The following BPTF variants were observed in gnomAD, a reference collection of about 807,000 sequenced individuals.
BPTF encodes the protein bromodomain PHD finger transcription factor.
BPTF carries 18 observed loss-of-function variants against 292.5 expected under a neutral mutation model. That is an observed-to-expected ratio of 0.06 (90% CI 0.04 to 0.09). BPTF has a LOEUF of 0.09. BPTF is among the 10% of genes least tolerant of loss of function. The probability of loss-of-function intolerance (pLI) is 1.00; values close to 1 mark genes in which losing one functional copy is unlikely to be tolerated. For synonymous variants in BPTF, 1,225 were observed against 1,251.9 expected (o/e 0.98, Z 0.45); for missense variants, 2,726 against 3,498.7 (o/e 0.78, Z 5.57).
intron 12 of BPTF, among the ~76,000 whole-genome samples, chr17:67,919,409 C>CTTGTGT (rs1027142183): frequency 9.2e-5 from 14 of 151,752 alleles, no homozygotes; most frequent in African/African-American, 3.4e-4. Flanking sequence ...TCAACTAGGC[C>CTTGTGT]TTGTGTTTGT....
At chr17:67,981,677 A>G (rs1456088833) in intron 27 of BPTF, 4 of 992,632 alleles carry the variant, frequency 4.0e-6, no homozygotes, top group Middle Eastern at 4.4e-4. Flanking sequence ...TGCTATTTCA[A>G]TATAAAGTCC....
intron 1 of BPTF, among the ~76,000 whole-genome samples, chr17:67,849,314 A>G (rs1043307921): frequency 3.3e-5 from 5 of 152,204 alleles, no homozygotes; most frequent in Non-Finnish European, 7.3e-5. Flanking sequence ...AACTTCAGTG[A>G]CCATATAAAT....
In BPTF at chr17:67,946,037, G is replaced by A; in HGVS notation, c.7329G>A (p.Gln2443=). 1 of 1,614,170 alleles carries A rather than the reference G, an allele frequency of 6.2e-7. No individual in the cohort carries two copies. The highest frequency in any genetic ancestry group is 8.5e-7 in the Non-Finnish European group (1 of 1,180,034). ...IAVPQLQQQV[Q]VLSQIQSQVV... ...TGCCTCAGCTGCAACAACAAGTCCA[G>A]GTTCTCTCTCAGATCCAGTCACAGG... The change falls in exon 21 of 28, where the codon CAG becomes CAA. Residue 2443 remains glutamine, a synonymous_variant. Transcript: ENST00000306378.
chr17:67,865,798 TAGG>T (rs1176208889), intron 2 of BPTF, among the ~76,000 whole-genome samples: 3 of 152,178 alleles, frequency 2.0e-5, no homozygotes, highest in African/African-American at 4.8e-5. Flanking sequence ...AATGGAACCT[TAGG>T]AGAGTTTTAG....
chr17:67,859,523 T>G (rs2058947638), intron 2 of BPTF, among the ~76,000 whole-genome samples: 1 of 152,236 alleles, frequency 6.6e-6, no homozygotes, highest in African/African-American at 2.4e-5. Context: ...TGCCCTTGAT[T>G]TGCCCAAGAC....
intron 23 of BPTF, among the ~76,000 whole-genome samples, chr17:67,952,266 T>C (rs2066446669): frequency 2.1e-4 from 1 of 4,666 alleles, no homozygotes; most frequent in South Asian, 0.1. Context: ...TTTAATAGGC[T>C]TTTTTTTTTT....
chr17:67,864,336 G>C lies in BPTF; in HGVS notation c.1437-2128G>C, dbSNP rs532789652. 8.5e-5 allele frequency among the ~76,000 whole-genome samples: 13 copies of C among 152,116 alleles called. No individual in the cohort carries two copies. The South Asian group carries it at 2.7e-3, about 32-fold the overall frequency. On this transcript the variant is annotated intron_variant, in intron 2 of 27. Transcript: ENST00000306378. ...GAGGCCAGACGTTCAAGACTAGCCTGGCCAACATGGCGAAACCCTGTCTCT... is the reference window on the plus strand; with the variant it reads ...GAGGCCAGACGTTCAAGACTAGCCTCGCCAACATGGCGAAACCCTGTCTCT...
At chr17:67,938,496 A>G (rs1252003551) in intron 18 of BPTF, among the ~76,000 whole-genome samples, 4 of 152,242 alleles carry the variant, frequency 2.6e-5, no homozygotes, top group African/African-American at 9.6e-5. Context: ...TAAAGCCACC[A>G]AAATTAGCAT....
Position 67,909,671 on chromosome 17 carries a change from GA to G in BPTF, c.2907del (p.Asp970MetfsTer3). ...PKKIKIEPDSEKDEVKGSDAA... is the reference protein window; with the variant it reads ...PKKIKIEPDSXKDEVKGSDAA... Reference sequence around the variant, plus strand: ...AAAAATAAAAATAGAGCCTGATTCTGAAAAAGATGAGGTAAAAGGTTCAGAT... The same window carrying G: ...AAAAATAAAAATAGAGCCTGATTCTGAAAAGATGAGGTAAAAGGTTCAGAT... On this transcript the variant is annotated frameshift_variant, in exon 10 of 28. Coordinates refer to ENST00000306378, the MANE Select transcript of BPTF (RefSeq NM_182641.4). LOFTEE classifies it high-confidence loss of function. The G allele has an allele frequency of 6.2e-7, 1 of 1,605,158 alleles. No individual in the cohort carries two copies. Among genetic ancestry groups the G allele is most frequent in the Non-Finnish European group, 8.5e-7 (1 of 1,177,060 alleles).
At chr17:67,958,227 G>A (rs530433529) in intron 23 of BPTF, among the ~76,000 whole-genome samples, 1 of 152,202 alleles carries the variant, frequency 6.6e-6, no homozygotes, top group Non-Finnish European at 1.5e-5. Context: ...AGGTACTTGG[G>A]AGGCTGAGGT....
chr17:67,904,829 C>A lies in BPTF; in HGVS notation c.2801C>A (p.Ser934Ter). 6.2e-7 allele frequency: 1 copy of A among 1,610,542 alleles called. No homozygotes were observed. Among genetic ancestry groups the A allele is most frequent in the South Asian group, 1.1e-5 (1 of 90,426 alleles). The change falls in exon 9 of 28, where the codon TCG (serine) becomes TAG (stop). Residue 934 changes from serine to a stop codon, truncating the protein, a stop_gained. Transcript: ENST00000306378. LOFTEE classifies it high-confidence loss of function. ...PGNTNVNYRK[S>*]LEGTKNNMDE... ...AATACTAATGTGAATTACAGAAAGTCGTTAGAAGGAAGTAAGTAATTAAAA... is the reference window on the plus strand; with the variant it reads ...AATACTAATGTGAATTACAGAAAGTAGTTAGAAGGAAGTAAGTAATTAAAA...
chr17:67,928,680 C>G (rs2064117403), intron 16 of BPTF, 79 bp downstream of exon 16: 1 of 1,456,672 alleles, frequency 6.9e-7, no homozygotes, highest in Non-Finnish European at 9.2e-7. Context: ...TGAAATGAAA[C>G]ATTTTTTTAG....
intron 18 of BPTF, among the ~76,000 whole-genome samples, chr17:67,939,913 C>T (rs1447612350): frequency 1.3e-5 from 2 of 152,122 alleles, no homozygotes; most frequent in African/African-American, 4.8e-5. Flanking sequence ...AGCACTCTGC[C>T]CTAGTATTGA....
chr17:67,914,309 C>G (rs776771759), intron 11 of BPTF, among the ~76,000 whole-genome samples: 3 of 152,036 alleles, frequency 2.0e-5, no homozygotes, highest in Non-Finnish European at 4.4e-5. Context: ...TTAATACAAC[C>G]AGTCATAGTT....
At chr17:67,980,906 C>T (rs781985510) in intron 27 of BPTF, among the ~76,000 whole-genome samples, 2 of 152,156 alleles carry the variant, frequency 1.3e-5, no homozygotes, top group Non-Finnish European at 1.5e-5. Flanking sequence ...GCCTGTGATA[C>T]CAACACTTTG....
At chr17:67,980,613 C>T (rs2070225041) in intron 27 of BPTF, among the ~76,000 whole-genome samples, 1 of 152,148 alleles carries the variant, frequency 6.6e-6, no homozygotes, top group Non-Finnish European at 1.5e-5. Flanking sequence ...GCAGAGCCCA[C>T]AGGATGACTG....
Position 67,828,615 on chromosome 17 carries a change from A to G in BPTF, c.613+2278A>G, listed in dbSNP as rs112842409. On this transcript the variant is annotated intron_variant, in intron 1 of 27. Coordinates refer to ENST00000306378, the MANE Select transcript of BPTF (RefSeq NM_182641.4). Reference sequence around the variant, plus strand: ...ACAATCTTGGCTCACTGCAACCTCCACCTCCTGGGTTCAAGCAATTCTCCT... The same window carrying G: ...ACAATCTTGGCTCACTGCAACCTCCGCCTCCTGGGTTCAAGCAATTCTCCT... 3.9e-5 allele frequency among the ~76,000 whole-genome samples: 6 copies of G among 152,080 alleles called. No homozygotes were observed. In the East Asian group the frequency reaches 5.8e-4, roughly 15 times the overall value.
At chr17:67,844,931 C>G (rs762657223) in intron 1 of BPTF, among the ~76,000 whole-genome samples, 2 of 152,040 alleles carry the variant, frequency 1.3e-5, no homozygotes, top group Non-Finnish European at 2.9e-5. Flanking sequence ...TTAGTAGAGA[C>G]AGCGTTTCTT....
intron 16 of BPTF, 126 bp from the exon 17 acceptor site, chr17:67,929,210 G>T: frequency 6.9e-7 from 1 of 1,443,150 alleles, no homozygotes; most frequent in Non-Finnish European, 9.2e-7. Flanking sequence ...TCAGTCCTCG[G>T]ATCTCACATT....
Sources: gnomAD v4.1 joint callset for allele counts (sites outside exome capture counted in the v4.1 genomes callset) on GRCh38, gnomAD v4.1.1 for gene constraint, MANE v1.5 for transcripts, NCBI Gene and HGNC (gene_info 2026-07-23, HGNC 2026-07-21) for gene names.